GALNT14: variants seen among roughly 807,000 people sequenced by gnomAD.
The protein encoded by GALNT14 is polypeptide N-acetylgalactosaminyltransferase 14.
A neutral mutation model predicts 77.5 loss-of-function variants in GALNT14; 60 were observed. That is an observed-to-expected ratio of 0.77 (90% CI 0.63 to 0.96). GALNT14 has a LOEUF of 0.96. Ranked by LOEUF, GALNT14 falls within the 40% of genes least tolerant of loss-of-function variation. GALNT14 has a pLI of 0.00. For missense variants in GALNT14, 710 were observed against 731.0 expected, an observed-to-expected ratio of 0.97 and a Z score of 0.33; for synonymous variants, 280 against 281.7, an observed-to-expected ratio of 0.99 and a Z score of 0.06.
At chr2:30,966,717 G>A (rs1232642906) in intron 2 of GALNT14, among the ~76,000 whole-genome samples, 2 of 152,076 alleles carry the variant, frequency 1.3e-5, no homozygotes, top group Non-Finnish European at 2.9e-5. Flanking sequence ...GATTCCAGTC[G>A]GCAGAGGCTT....
chr2:30,955,768 G>T (rs1451512113), intron 5 of GALNT14, 29 bp from the exon 6 acceptor site: 2 of 1,613,230 alleles, frequency 1.2e-6, no homozygotes, highest in Non-Finnish European at 1.7e-6. Context: ...GACGAAGTGG[G>T]TGCCACTGTC....
chr2:30,919,496 T>C (rs1664904539), intron 13 of GALNT14, among the ~76,000 whole-genome samples: 1 of 152,218 alleles, frequency 6.6e-6, no homozygotes, highest in African/African-American at 2.4e-5. Flanking sequence ...CAGCTAAAGC[T>C]GAACTCAGCC....
At position 30,912,336 on chromosome 2, in the gene GALNT14, C is replaced by T. The variant is rs187912292; in HGVS notation, c.1387G>A (p.Ala463Thr). ...KGEDAKSQVW[A>T]FTYTQQILQE... ...AGGATCTGCTGGGTGTATGTGAAGG[C>T]CCATACCTGGGGAGAAAGAGACCAG... Residue 463 changes from alanine to threonine, a missense_variant, in exon 14 of 15, where the codon GCC (alanine) becomes ACC (threonine). By Grantham distance (58) the Ala-to-Thr change is moderately conservative (BLOSUM62 0). Transcript: ENST00000349752. The T allele has an allele frequency of 1.2e-6, 2 of 1,613,946 alleles. No individual in the cohort carries two copies. The highest frequency in any genetic ancestry group is 1.3e-5 in the African/African-American group (1 of 75,024).
chr2:31,038,084 A>ATTTTTTTTTTTTT (rs1196402402), intron 1 of GALNT14, among the ~76,000 whole-genome samples: 1 of 52,664 alleles, frequency 1.9e-5, no homozygotes, highest in Non-Finnish European at 3.2e-5. Context: ...ATATATATAT[A>ATTTTTTTTTTTTT]TTTTTTTTTT....
chr2:31,054,195 G>A (rs908819222), intron 1 of GALNT14, among the ~76,000 whole-genome samples: 1 of 152,234 alleles, frequency 6.6e-6, no homozygotes, highest in Non-Finnish European at 1.5e-5. Flanking sequence ...GGGATGAGCT[G>A]TCTGCTTAAT....
intron 1 of GALNT14, among the ~76,000 whole-genome samples, chr2:31,130,784 G>GTGCGCA (rs57066682): frequency 1.6e-5 from 2 of 124,976 alleles, no homozygotes; most frequent in African/African-American, 8.2e-5. Flanking sequence ...GTGTGTGTGT[G>GTGCGCA]CGCGCGCACC....
rs954686884 is a variant in GALNT14, at chr2:31,048,989, C to A, written c.130-55982G>T. Among the ~76,000 whole-genome samples the A allele has an allele frequency of 2.0e-5, 3 of 152,166 alleles. No homozygotes were observed. The South Asian group carries it at 6.2e-4, about 31-fold the overall frequency. ...TCCACCTCTGTTCCTTTCCCCTTGT[C>A]CTGTCCAGCCAGCTTTCCCTTGTGA... On this transcript the variant is annotated intron_variant, in intron 1 of 14. Transcript: ENST00000349752.
chr2:31,098,989 G>A (rs561723447), intron 1 of GALNT14, among the ~76,000 whole-genome samples: 1 of 152,106 alleles, frequency 6.6e-6, no homozygotes, highest in Non-Finnish European at 1.5e-5. Context: ...GCTGTGTCAG[G>A]GGTGGCAGAG....
At position 31,039,111 on chromosome 2, in the gene GALNT14, TA is replaced by T. The variant is rs374111431; in HGVS notation, c.130-46105del. ...CAAGTCTTTGGTTAATTTCTAGAGT[TA>T]AAAAAAATGATTTTGACAATTTTTG... On this transcript the variant is annotated intron_variant, in intron 1 of 14. Transcript: ENST00000349752. 1.4e-4 allele frequency among the ~76,000 whole-genome samples: 21 copies of T among 152,118 alleles called. 1 individual carries two copies. The East Asian group carries it at 2.1e-3, about 15-fold the overall frequency.
intron 1 of GALNT14, among the ~76,000 whole-genome samples, chr2:31,101,649 C>A (rs1373334081): frequency 6.6e-6 from 1 of 152,124 alleles, no homozygotes; most frequent in Non-Finnish European, 1.5e-5. Context: ...CTGTTCTCCA[C>A]ATATCATTCC....
chr2:30,993,121 C>T, intron 1 of GALNT14, 114 bp from the exon 2 acceptor site: 1 of 1,098,514 alleles, frequency 9.1e-7, no homozygotes, highest in South Asian at 1.5e-5. Context: ...AGGTTTGGCT[C>T]AAAGATGGGG....
intron 1 of GALNT14, among the ~76,000 whole-genome samples, chr2:31,098,465 T>C (rs1573345616): frequency 6.6e-6 from 1 of 152,226 alleles, no homozygotes; most frequent in East Asian, 1.9e-4. Flanking sequence ...AAAAATACAT[T>C]TATGTGGTTC....
chr2:31,018,185 G>GCC (rs1024496872), intron 1 of GALNT14, among the ~76,000 whole-genome samples: 1 of 152,240 alleles, frequency 6.6e-6, no homozygotes, highest in African/African-American at 2.4e-5. Flanking sequence ...GGGCAGCAGG[G>GCC]CCCTCCAGGT....
At chr2:31,068,752 G>A (rs982088017) in intron 1 of GALNT14, among the ~76,000 whole-genome samples, 3 of 152,094 alleles carry the variant, frequency 2.0e-5, no homozygotes, top group Non-Finnish European at 4.4e-5. Context: ...CAAAACAAAT[G>A]TCCCTCAGCT....
chr2:30,951,580 T>C (rs1667030611), intron 6 of GALNT14, among the ~76,000 whole-genome samples: 1 of 152,268 alleles, frequency 6.6e-6, no homozygotes, highest in African/African-American at 2.4e-5. Flanking sequence ...ATCATTCAAT[T>C]GCCCACTTTC....
intron 3 of GALNT14, among the ~76,000 whole-genome samples, chr2:30,965,540 C>G (rs1667952913): frequency 6.6e-6 from 1 of 152,112 alleles, no homozygotes; most frequent in Admixed American, 6.6e-5. Flanking sequence ...GGGTGCAGGT[C>G]TATGTTCTGA....
At chr2:30,940,775 G>C (rs1194269880) in intron 9 of GALNT14, among the ~76,000 whole-genome samples, 1 of 152,106 alleles carries the variant, frequency 6.6e-6, no homozygotes, top group South Asian at 2.1e-4. Flanking sequence ...ACCCAGCCTC[G>C]AACCCCACAC....
chr2:30,907,535 C>G (rs1323203876), downstream of GALNT14, among the ~76,000 whole-genome samples: 5 of 152,122 alleles, frequency 3.3e-5, no homozygotes, highest in Non-Finnish European at 5.9e-5. Context: ...CGGAATAGAC[C>G]AATAACAGGA....
chr2:30,972,009 C>T (rs1298992253), intron 2 of GALNT14, among the ~76,000 whole-genome samples: 3 of 152,212 alleles, frequency 2.0e-5, no homozygotes, highest in African/African-American at 4.8e-5. Flanking sequence ...CCCAGGCCCT[C>T]GGACACCCAG....
Sources: gnomAD v4.1 joint callset for allele counts (sites outside exome capture counted in the v4.1 genomes callset) on GRCh38, gnomAD v4.1.1 for gene constraint, MANE v1.5 for transcripts, NCBI Gene and HGNC (gene_info 2026-07-23, HGNC 2026-07-21) for gene names.